Variants in ENAH observed in about 807,000 individuals in gnomAD.
ENAH encodes the protein ENAH actin regulator, also known as protein enabled homolog.
A neutral mutation model predicts 78.7 loss-of-function variants in ENAH; 23 were observed. That is an observed-to-expected ratio of 0.29 (90% CI 0.21 to 0.41). The LOEUF (loss-of-function observed/expected upper bound fraction) is 0.41, where lower values mean the gene tolerates loss of function less well. Ranked by LOEUF, ENAH falls within the 10% of genes least tolerant of loss-of-function variation. The probability of loss-of-function intolerance (pLI) is 1.00; values close to 1 mark genes in which losing one functional copy is unlikely to be tolerated. For synonymous variants in ENAH, 226 were observed against 241.0 expected, an observed-to-expected ratio of 0.94 and a Z score of 0.58; for missense variants, 544 against 691.0, an observed-to-expected ratio of 0.79 and a Z score of 2.39.
At chr1:225,616,503 C>G (rs1038718707) in intron 1 of ENAH, among the ~76,000 whole-genome samples, 1 of 151,912 alleles carries the variant, frequency 6.6e-6, no homozygotes, top group Non-Finnish European at 1.5e-5. Flanking sequence ...AAAAAGGAAC[C>G]TAACTACAAC....
At chr1:225,546,158 C>T (rs1334077762) in intron 3 of ENAH, among the ~76,000 whole-genome samples, 1 of 151,988 alleles carries the variant, frequency 6.6e-6, no homozygotes, top group Non-Finnish European at 1.5e-5. Flanking sequence ...AAACTCCTGA[C>T]CTCAAGAGAT....
intron 1 of ENAH, among the ~76,000 whole-genome samples, chr1:225,639,418 C>T (rs1366458512): frequency 6.6e-6 from 1 of 152,114 alleles, no homozygotes; most frequent in Non-Finnish European, 1.5e-5. Flanking sequence ...AGAAGTGATT[C>T]GGCCATGGGC....
rs191584811 is a variant in ENAH, at chr1:225,545,462, T to C, written c.349+9444A>G. 8.7e-4 allele frequency among the ~76,000 whole-genome samples: 133 copies of C among 152,308 alleles called. 1 individual carries two copies. Among genetic ancestry groups the C allele is most frequent in the African/African-American group, 3.2e-3 (133 of 41,568 alleles). On this transcript the variant is annotated intron_variant, in intron 3 of 13. Transcript: ENST00000366843. ...TTATTTACTGTACTAAATAACTAAA[T>C]TACATGTTTTAACTTTTAGGAATTC...
At chr1:225,524,638 AG>A (rs1463073042) in intron 4 of ENAH, 2 of 985,300 alleles carry the variant, frequency 2.0e-6, no homozygotes, top group Non-Finnish European at 2.4e-6. Context: ...CGGCCTCCGA[AG>A]GCCAATAGGA....
Position 225,497,684 on chromosome 1 carries a change from AT to A in ENAH, c.*90del. On this transcript the variant is annotated 3_prime_UTR_variant, in exon 14 of 14. Transcript: ENST00000366843. ...TGTCTCCATTTTCTTCTTACAGCTCATAAATGTAGGGGTTTGCTGTTGTGAA... is the reference window on the plus strand; with the variant it reads ...TGTCTCCATTTTCTTCTTACAGCTCAAAATGTAGGGGTTTGCTGTTGTGAA... 7.6e-7 allele frequency: 1 copy of A among 1,318,984 alleles called. No homozygotes were observed. The highest frequency in any genetic ancestry group is 2.3e-5 in the East Asian group (1 of 42,628). 81.7% of individuals were successfully genotyped at this position (1,318,984 alleles called of 1,614,324 possible). A position where few individuals can be genotyped will look rare whatever the true frequency, so the allele number is the denominator to read the frequency against.
At chr1:225,521,568 G>A (rs1003577784) in intron 4 of ENAH, among the ~76,000 whole-genome samples, 3 of 151,496 alleles carry the variant, frequency 2.0e-5, no homozygotes, top group Admixed American at 6.6e-5. Context: ...TTGAACCCGG[G>A]GAATGGAGGT....
intron 3 of ENAH, among the ~76,000 whole-genome samples, chr1:225,547,780 G>A (rs1431922035): frequency 3.3e-5 from 5 of 152,132 alleles, no homozygotes; most frequent in Non-Finnish European, 1.5e-5. Flanking sequence ...CTATTCCTCA[G>A]GCCTGATATG....
Position 225,497,754 on chromosome 1 carries a change from A to G in ENAH, c.*21T>C. ...TATTTTTCCTCCAGATTAAAGTCCT[A>G]TCTCTCCTTAGTCTGTTCCTCTATG... On this transcript the variant is annotated 3_prime_UTR_variant, in exon 14 of 14. Coordinates refer to ENST00000366843, the MANE Select transcript of ENAH (RefSeq NM_018212.6). The G allele has an allele frequency of 2.5e-6, 4 of 1,608,482 alleles. No homozygotes were observed. Among genetic ancestry groups the G allele is most frequent in the Non-Finnish European group, 3.4e-6 (4 of 1,176,742 alleles).
chr1:225,570,004 G>A (rs1234938417), intron 1 of ENAH, among the ~76,000 whole-genome samples: 2 of 151,870 alleles, frequency 1.3e-5, no homozygotes, highest in Non-Finnish European at 2.9e-5. Context: ...TTAGGAATTC[G>A]AGACCAGCCT....
intron 4 of ENAH, among the ~76,000 whole-genome samples, chr1:225,521,678 T>TA (rs372405409): frequency 5.4e-4 from 82 of 150,856 alleles, no homozygotes; most frequent in African/African-American, 2.0e-3. Context: ...ATCTTACACA[T>TA]ACGTATTTCA....
At position 225,567,392 on chromosome 1, in the gene ENAH, T is replaced by C; in HGVS notation, c.28A>G (p.Arg10Gly). The C allele has an allele frequency of 6.2e-7, 1 of 1,612,034 alleles. No homozygotes were observed. Among genetic ancestry groups the C allele is most frequent in the African/African-American group, 1.3e-5 (1 of 74,986 alleles). The change falls in exon 2 of 14, where the codon AGA becomes GGA. Residue 10 changes from arginine to glycine, a missense_variant. Arg to Gly is a moderately radical substitution (Grantham distance 125, BLOSUM62 -2). This residue lies in a region of ENAH where 77 missense variants were observed against 151.8 expected (regional missense o/e 0.51). Transcript: ENST00000366843. Reference sequence around the variant, plus strand: ...TCATCATAAACCATCACAGCAGCTCTTGCCTGACAGATACTCTGTTCACTG... The same window carrying C: ...TCATCATAAACCATCACAGCAGCTCCTGCCTGACAGATACTCTGTTCACTG... MSEQSICQA[R>G]AAVMVYDDAN...
intron 1 of ENAH, among the ~76,000 whole-genome samples, chr1:225,650,848 TAAAAAAAAAAAAAAA>T (rs746549168): frequency 1.2e-4 from 7 of 58,934 alleles, no homozygotes; most frequent in East Asian, 9.3e-4. Flanking sequence ...AGACTGCATT[TAAAAAAAAAAAAAAA>T]AAAAAAAAAA....
intron 1 of ENAH, among the ~76,000 whole-genome samples, chr1:225,639,873 A>G (rs992771593): frequency 9.2e-5 from 14 of 152,192 alleles, no homozygotes; most frequent in African/African-American, 3.4e-4. Flanking sequence ...CCGTGTCCTC[A>G]AAGACATCAG....
chr1:225,636,040 C>A (rs1030566223), intron 1 of ENAH, among the ~76,000 whole-genome samples: 3 of 152,194 alleles, frequency 2.0e-5, no homozygotes, highest in African/African-American at 7.2e-5. Flanking sequence ...GACTTACCAG[C>A]TCCCATAATC....
chr1:225,621,296 CTT>C (rs757480714), intron 1 of ENAH, among the ~76,000 whole-genome samples: 15 of 142,668 alleles, frequency 1.1e-4, no homozygotes, highest in Admixed American at 1.4e-4. Context: ...ATCTATCTCT[CTT>C]TTTTTTTTTT....
In ENAH at chr1:225,492,929, C is replaced by T. The variant is rs374927759; in HGVS notation, c.*4846G>A. On this transcript the variant is annotated 3_prime_UTR_variant, in exon 14 of 14. Transcript: ENST00000366843. ...AAGACAAATTTAGTTAATTCTTTAG[C>T]AGTTGTCAAATGTGTCTCCTCACCA... 1 of 152,138 alleles carries T rather than the reference C, an allele frequency of 6.6e-6. No individual in the cohort carries two copies. The highest frequency in any genetic ancestry group is 6.5e-5 in the Admixed American group (1 of 15,280). The allele number at this position is 152,138 out of a possible 1,614,324, so 9.4% of individuals were successfully genotyped here.
At chr1:225,613,764 A>G (rs1389665993) in intron 1 of ENAH, among the ~76,000 whole-genome samples, 1 of 152,144 alleles carries the variant, frequency 6.6e-6, no homozygotes, top group African/African-American at 2.4e-5. Flanking sequence ...TGTTTTTTCT[A>G]CTCTCACACA....
At chr1:225,535,989 G>A (rs562421954) in intron 3 of ENAH, among the ~76,000 whole-genome samples, 1 of 152,110 alleles carries the variant, frequency 6.6e-6, no homozygotes, top group East Asian at 1.9e-4. Flanking sequence ...AAAAATTTAA[G>A]CTTGGAAGTG....
rs2096255143 is a variant in ENAH at position 225,497,531 on chromosome 1, T to TA, written c.*243dup. 1 of 342,826 alleles carries TA rather than the reference T, an allele frequency of 2.9e-6. No homozygotes were observed. The allele number at this position is 342,826 out of a possible 1,614,324, so 21.2% of individuals were successfully genotyped here. A position where few individuals can be genotyped will look rare whatever the true frequency, so the allele number is the denominator to read the frequency against. On this transcript the variant is annotated 3_prime_UTR_variant, in exon 14 of 14. Transcript: ENST00000366843. ...TCTGCATAACTGTTACAGGAACTCT[T>TA]AAATGATTCTCTTCCATTCTGTTGT...
Sources: allele counts gnomAD v4.1 joint callset (sites outside exome capture counted in the v4.1 genomes callset), GRCh38; gene constraint gnomAD v4.1.1; regional missense constraint gnomAD v4.1.1; transcripts MANE v1.5; gene names NCBI Gene and HGNC (gene_info 2026-07-23, HGNC 2026-07-21).